TMEFF2: variants seen among roughly 807,000 people sequenced by gnomAD.
TMEFF2 encodes tomoregulin-2.
In TMEFF2, 28 loss-of-function variants were observed where a neutral mutation model predicts 53.8. The ratio of observed to expected loss-of-function variants is 0.52; its 90% CI spans 0.39 to 0.71. TMEFF2 has a LOEUF of 0.71. Ranked by LOEUF, TMEFF2 falls within the 30% of genes least tolerant of loss-of-function variation. TMEFF2 has a pLI of 0.00. For missense variants in TMEFF2, 353 were observed against 455.2 expected (o/e 0.78, Z 2.04); for synonymous variants, 162 against 166.3 (o/e 0.97, Z 0.20).
intron 4 of TMEFF2, among the ~76,000 whole-genome samples, chr2:192,124,873 T>C (rs1286909735): frequency 1.3e-5 from 2 of 152,174 alleles, no homozygotes; most frequent in Non-Finnish European, 2.9e-5. Flanking sequence ...TCCTCTACCA[T>C]GTCCCTTGGA....
intron 4 of TMEFF2, among the ~76,000 whole-genome samples, chr2:192,142,923 T>G (rs532227386): frequency 5.2e-4 from 79 of 152,318 alleles, no homozygotes; most frequent in African/African-American, 1.9e-3. Flanking sequence ...GATCCCAAAC[T>G]AGTTGCTGAC....
At chr2:192,090,363 AGT>A (rs761106707) in intron 4 of TMEFF2, among the ~76,000 whole-genome samples, 3 of 152,162 alleles carry the variant, frequency 2.0e-5, no homozygotes, top group Admixed American at 6.6e-5. Flanking sequence ...ATTAATTTTA[AGT>A]GTGGAAAAAA....
intron 4 of TMEFF2, among the ~76,000 whole-genome samples, chr2:192,072,585 T>TGAATA (rs10627638): frequency 0.97 from 146,842 of 151,846 alleles, 71,194 homozygotes; most frequent in East Asian, 1. Context: ...TTAGATAAAA[T>TGAATA]GAAGTTTTTT....
At chr2:192,013,167 C>T (rs539783834) in intron 5 of TMEFF2, among the ~76,000 whole-genome samples, 9 of 152,208 alleles carry the variant, frequency 5.9e-5, no homozygotes, top group Non-Finnish European at 4.4e-5. Flanking sequence ...TAGTCCTTAC[C>T]GTGGTTCATG....
chr2:192,104,959 T>C (rs1184424362), intron 4 of TMEFF2, among the ~76,000 whole-genome samples: 1 of 152,064 alleles, frequency 6.6e-6, no homozygotes, highest in Non-Finnish European at 1.5e-5. Flanking sequence ...CTGACTGTTA[T>C]CTCATGTTAA....
intron 4 of TMEFF2, among the ~76,000 whole-genome samples, chr2:192,115,449 C>A (rs564033076): frequency 1.7e-3 from 263 of 151,902 alleles, no homozygotes; most frequent in African/African-American, 5.4e-3. Context: ...GATAGAACAC[C>A]AAAAGCACAG....
intron 4 of TMEFF2, among the ~76,000 whole-genome samples, chr2:192,095,378 C>T (rs895414780): frequency 4.6e-5 from 7 of 152,112 alleles, no homozygotes; most frequent in Admixed American, 4.6e-4. Context: ...GTAATCCCAG[C>T]ACTTTGGGAG....
At chr2:192,087,056 A>C (rs1010448703) in intron 4 of TMEFF2, among the ~76,000 whole-genome samples, 49 of 150,382 alleles carry the variant, frequency 3.3e-4, no homozygotes, top group Admixed American at 1.8e-3. Context: ...TATTGTAAAT[A>C]TTGATTTATA....
At chr2:191,990,763 G>A (rs1030811988) in intron 7 of TMEFF2, among the ~76,000 whole-genome samples, 1 of 134,628 alleles carries the variant, frequency 7.4e-6, no homozygotes, top group Non-Finnish European at 1.6e-5. Context: ...CTCTTTGCGG[G>A]GTGTGTGTGT....
intron 4 of TMEFF2, among the ~76,000 whole-genome samples, chr2:192,105,320 CCTA>C (rs985163942): frequency 5.9e-5 from 9 of 151,974 alleles, no homozygotes; most frequent in African/African-American, 1.9e-4. Context: ...AATAAAACCA[CCTA>C]CTGAGCATAT....
At chr2:191,976,542 A>C (rs532029582) in intron 7 of TMEFF2, among the ~76,000 whole-genome samples, 1 of 152,362 alleles carries the variant, frequency 6.6e-6, no homozygotes, top group South Asian at 2.1e-4. Flanking sequence ...TACAAGGGTC[A>C]TTCCGCAGAA....
At chr2:192,013,783 C>T (rs1686687325) in intron 5 of TMEFF2, among the ~76,000 whole-genome samples, 1 of 152,154 alleles carries the variant, frequency 6.6e-6, no homozygotes, top group Non-Finnish European at 1.5e-5. Context: ...CTGTTTTCTT[C>T]ACTAGAATGT....
At chr2:192,036,748 G>A (rs1225390071) in intron 5 of TMEFF2, 1 of 152,146 alleles carries the variant, frequency 6.6e-6, no homozygotes, top group Non-Finnish European at 1.5e-5. Flanking sequence ...CCAGTCTTGC[G>A]CCTTTGGACC....
chr2:192,125,987 A>G (rs529524667), intron 4 of TMEFF2, among the ~76,000 whole-genome samples: 262 of 152,294 alleles, frequency 1.7e-3, no homozygotes, highest in Non-Finnish European at 2.5e-3. Context: ...TACTTATATA[A>G]CAAACCCGCA....
chr2:191,950,587 T>G, intron 9 of TMEFF2, 180 bp from the exon 10 acceptor site: 17 of 862,718 alleles, frequency 2.0e-5, no homozygotes, highest in Non-Finnish European at 2.6e-5. Context: ...TTCTGTGCAG[T>G]TGTCTTTAAA....
chr2:192,102,913 T>G (rs991061435), intron 4 of TMEFF2, among the ~76,000 whole-genome samples: 4 of 151,850 alleles, frequency 2.6e-5, no homozygotes, highest in African/African-American at 4.8e-5. Context: ...AATTGCAACC[T>G]GTAGTTGATC....
intron 9 of TMEFF2, 116 bp from the exon 10 acceptor site, chr2:191,950,523 GA>G: frequency 7.2e-7 from 1 of 1,388,828 alleles, no homozygotes; most frequent in Non-Finnish European, 1.0e-6. Context: ...TCAGATGAAA[GA>G]ATTTATCATT....
intron 5 of TMEFF2, among the ~76,000 whole-genome samples, chr2:192,039,598 A>T (rs2105884067): frequency 6.6e-6 from 1 of 152,316 alleles, no homozygotes; most frequent in Middle Eastern, 3.4e-3. Flanking sequence ...ATGGTACTTC[A>T]TTGCCACAAA....
intron 4 of TMEFF2, among the ~76,000 whole-genome samples, chr2:192,108,820 G>C (rs959997526): frequency 3.3e-5 from 5 of 151,946 alleles, no homozygotes; most frequent in African/African-American, 4.8e-5. Context: ...CTTATGAATA[G>C]ATTAAAAAAT....
Sources: gnomAD v4.1 joint callset for allele counts (sites outside exome capture counted in the v4.1 genomes callset) on GRCh38, gnomAD v4.1.1 for gene constraint, MANE v1.5 for transcripts, NCBI Gene and HGNC (gene_info 2026-07-23, HGNC 2026-07-21) for gene names.